Variants in WDFY4 observed in about 807,000 individuals in gnomAD.
WDFY4 encodes the protein WDFY family member 4, also known as WD repeat- and FYVE domain-containing protein 4.
In WDFY4, 169 loss-of-function variants were observed where a neutral mutation model predicts 351.9. The ratio of observed to expected loss-of-function variants is 0.48; its 90% CI spans 0.42 to 0.55. The LOEUF is 0.55. Among genes scored for constraint, WDFY4 ranks in the 20% least tolerant of loss-of-function variants. The probability of loss-of-function intolerance (pLI) is 0.00; values close to 1 mark genes in which losing one functional copy is unlikely to be tolerated. For synonymous variants in WDFY4, 1,622 were observed against 1,574.6 expected, an observed-to-expected ratio of 1.03 and a Z score of -0.71; for missense variants, 3,803 against 3,935.6, an observed-to-expected ratio of 0.97 and a Z score of 0.90.
chr10:48,914,169 G>A, intron 47 of WDFY4: 5 of 1,607,072 alleles, frequency 3.1e-6, no homozygotes, highest in East Asian at 2.2e-5. Context: ...CTTTTAGTAA[G>A]GGAGTGTTAG....
chr10:48,833,914 C>G (rs542959503), intron 39 of WDFY4, among the ~76,000 whole-genome samples: 6 of 152,212 alleles, frequency 3.9e-5, no homozygotes, highest in Non-Finnish European at 7.3e-5. Context: ...TAAATCCCAC[C>G]AGCTCAGAAT....
At chr10:48,735,536 A>G (rs1170626603) in intron 10 of WDFY4, among the ~76,000 whole-genome samples, 1 of 151,998 alleles carries the variant, frequency 6.6e-6, no homozygotes, top group Non-Finnish European at 1.5e-5. Flanking sequence ...CACTATTATT[A>G]ACTTTAGTCA....
intron 47 of WDFY4, chr10:48,909,585 A>C (rs1837823777): frequency 6.6e-6 from 1 of 152,162 alleles, no homozygotes; most frequent in Admixed American, 6.5e-5. Context: ...GCTTCCACTC[A>C]TGGTGGAAGG....
chr10:48,753,659 G>C (rs192101160), intron 12 of WDFY4, among the ~76,000 whole-genome samples: 1 of 152,068 alleles, frequency 6.6e-6, no homozygotes, highest in Non-Finnish European at 1.5e-5. Flanking sequence ...GAAAATCAAG[G>C]GGCCACAGAT....
At chr10:48,782,550 G>T (rs143660729) in intron 19 of WDFY4, among the ~76,000 whole-genome samples, 2 of 152,342 alleles carry the variant, frequency 1.3e-5, no homozygotes, top group East Asian at 3.9e-4. Flanking sequence ...GCTATATGGA[G>T]TGGCCAAAGC....
intron 39 of WDFY4, among the ~76,000 whole-genome samples, chr10:48,843,941 AG>A (rs1164048690): frequency 1.3e-5 from 2 of 152,242 alleles, no homozygotes; most frequent in Non-Finnish European, 2.9e-5. Flanking sequence ...AAAAGACAGA[AG>A]TGTCCCAAAC....
chr10:48,813,495 C>T (rs185964292), intron 30 of WDFY4, among the ~76,000 whole-genome samples: 38 of 152,176 alleles, frequency 2.5e-4, no homozygotes, highest in Middle Eastern at 6.8e-3. Flanking sequence ...TTCACAGAGA[C>T]GGGAAATGAA....
intron 58 of WDFY4, 161 bp from the exon 59 acceptor site, chr10:48,976,636 C>T (rs1255910289): frequency 1.0e-5 from 5 of 498,164 alleles, no homozygotes; most frequent in African/African-American, 7.9e-5. Flanking sequence ...GAAAACACAG[C>T]AGACCTGTAA....
At chr10:48,883,124 C>T (rs2070319759) in intron 43 of WDFY4, among the ~76,000 whole-genome samples, 1 of 152,238 alleles carries the variant, frequency 6.6e-6, no homozygotes, top group African/African-American at 2.4e-5. Context: ...TGTTCTTTCT[C>T]TATAACTGTT....
chr10:48,897,682 C>CT (rs774331774), intron 45 of WDFY4, 108 bp downstream of exon 45: 38 of 1,456,638 alleles, frequency 2.6e-5, no homozygotes, highest in Admixed American at 4.3e-5. Context: ...TTCTTTGTGC[C>CT]TATGCACAGC....
chr10:48,725,544 G>A (rs2064240992), intron 5 of WDFY4, among the ~76,000 whole-genome samples: 4 of 152,218 alleles, frequency 2.6e-5, no homozygotes, highest in Non-Finnish European at 5.9e-5. Context: ...AATAGCACAA[G>A]GTTCTGTTAA....
At chr10:48,700,928 A>G (rs1228066259) in intron 1 of WDFY4, among the ~76,000 whole-genome samples, 1 of 147,370 alleles carries the variant, frequency 6.8e-6, no homozygotes, top group Non-Finnish European at 1.5e-5. Context: ...TATAAGTAAC[A>G]TAACATAAGA....
chr10:48,805,983 C>G (rs1424613096), intron 26 of WDFY4, 21 bp from the exon 27 acceptor site: 1 of 1,551,140 alleles, frequency 6.4e-7, no homozygotes, highest in East Asian at 2.4e-5. Flanking sequence ...CGAGCCTGTC[C>G]TTCTCTCCCT....
At chr10:48,756,163 A>T (rs1362495687) in intron 12 of WDFY4, among the ~76,000 whole-genome samples, 1 of 152,082 alleles carries the variant, frequency 6.6e-6, no homozygotes, top group Non-Finnish European at 1.5e-5. Context: ...CCATAAACAT[A>T]GTGTGCTTTT....
At chr10:48,827,135 C>T (rs1315259630) in intron 36 of WDFY4, among the ~76,000 whole-genome samples, 1 of 152,092 alleles carries the variant, frequency 6.6e-6, no homozygotes. Context: ...ACCCTATTTC[C>T]ACAATTCTAG....
rs10598078 is a variant in WDFY4 at position 48,931,096 on chromosome 10, A to AACAC, written c.7587-10679_7587-10676dup. 3.6e-3 allele frequency among the ~76,000 whole-genome samples: 542 copies of AACAC among 150,352 alleles called. 4 individuals carry two copies. Among genetic ancestry groups the AACAC allele is most frequent in the African/African-American group, 9.5e-3 (387 of 40,944 alleles). ...ACACATGCATGCACACTCACACTCA[A>AACAC]ACACACACACACACACACACACACA... On this transcript the variant is annotated intron_variant, in intron 47 of 61. Transcript: ENST00000325239.
At chr10:48,737,087 T>C (rs967571604) in intron 11 of WDFY4, among the ~76,000 whole-genome samples, 3 of 152,246 alleles carry the variant, frequency 2.0e-5, no homozygotes, top group South Asian at 2.1e-4. Flanking sequence ...TGTGAGTTTA[T>C]GACTTTTAAA....
chr10:48,703,163 G>T (rs555852735), intron 1 of WDFY4, among the ~76,000 whole-genome samples: 2 of 152,304 alleles, frequency 1.3e-5, no homozygotes, highest in African/African-American at 2.4e-5. Context: ...TTAGGAACAA[G>T]AATGGCTTTG....
At position 48,731,549 on chromosome 10, in the gene WDFY4, C is replaced by G; in HGVS notation, c.1569C>G (p.Ile523Met). The G allele has an allele frequency of 6.4e-7, 1 of 1,550,684 alleles. No individual in the cohort carries two copies. Among genetic ancestry groups the G allele is most frequent in the Non-Finnish European group, 8.7e-7 (1 of 1,146,750 alleles). ...LLAQLRKQAK[I>M]MRKSGNKVST... ...CACAGCTTCGGAAGCAAGCCAAGAT[C>G]ATGAGGAAGTCAGGTGCCACTGGGT... is the stretch of plus-strand genomic sequence containing the variant. The change falls in exon 9 of 62, where the codon ATC becomes ATG. Residue 523 changes from isoleucine to methionine, a missense_variant. By Grantham distance (10) the Ile-to-Met change is conservative. This residue lies in a region of WDFY4 where 261 missense variants were observed against 330.2 expected (regional missense o/e 0.79). Transcript: ENST00000325239.
Sources: allele counts gnomAD v4.1 joint callset (sites outside exome capture counted in the v4.1 genomes callset), GRCh38; gene constraint gnomAD v4.1.1; regional missense constraint gnomAD v4.1.1; transcripts MANE v1.5; gene names NCBI Gene and HGNC (gene_info 2026-07-23, HGNC 2026-07-21).